Variants in SP100 observed in about 807,000 individuals in gnomAD.
SP100 encodes the protein SP100 nuclear body protein, also known as nuclear autoantigen Sp-100.
In SP100, 84 loss-of-function variants were observed where a neutral mutation model predicts 130.0. The ratio of observed to expected loss-of-function variants is 0.65; its 90% CI spans 0.54 to 0.77. The LOEUF is 0.77. Ranked by LOEUF, SP100 falls within the 30% of genes least tolerant of loss-of-function variation. The pLI is 0.00. For synonymous variants in SP100, 331 were observed against 351.7 expected (o/e 0.94, Z 0.66); for missense variants, 978 against 1,052.2 (o/e 0.93, Z 0.97).
At chr2:230,537,653 A>T (rs759364227) in intron 24 of SP100, 2 of 152,224 alleles carry the variant, frequency 1.3e-5, no homozygotes, top group Non-Finnish European at 2.9e-5. Flanking sequence ...CCACTTTGTA[A>T]TGTGGGTTTT....
intron 2 of SP100, among the ~76,000 whole-genome samples, chr2:230,433,550 G>A (rs2063158390): frequency 6.6e-6 from 1 of 152,000 alleles, no homozygotes; most frequent in South Asian, 2.1e-4. Context: ...GATTTTGATA[G>A]GAATCATACT....
intron 24 of SP100, among the ~76,000 whole-genome samples, chr2:230,530,002 G>C (rs1431228769): frequency 6.6e-6 from 1 of 152,090 alleles, no homozygotes; most frequent in African/African-American, 2.4e-5. Flanking sequence ...TGGCCATACT[G>C]CCCAAGGTAA....
chr2:230,521,427 C>G (rs1055035440), intron 24 of SP100, among the ~76,000 whole-genome samples: 3 of 152,178 alleles, frequency 2.0e-5, no homozygotes, highest in African/African-American at 7.2e-5. Context: ...GCCTGCCTAA[C>G]TGACTATCTG....
At chr2:230,432,167 C>T (rs2063118531) in intron 2 of SP100, among the ~76,000 whole-genome samples, 1 of 152,156 alleles carries the variant, frequency 6.6e-6, no homozygotes, top group African/African-American at 2.4e-5. Context: ...TGGGTTATTT[C>T]ATCGAACGTA....
chr2:230,497,480 AGG>A (rs2066734042), intron 18 of SP100, among the ~76,000 whole-genome samples: 3 of 59,744 alleles, frequency 5.0e-5, no homozygotes, highest in African/African-American at 2.1e-4. Context: ...AGGGGAGGGG[AGG>A]GGAGGGGAGG....
chr2:230,439,012 C>G (rs2063386150), intron 2 of SP100, among the ~76,000 whole-genome samples: 2 of 152,132 alleles, frequency 1.3e-5, no homozygotes, highest in Non-Finnish European at 2.9e-5. Flanking sequence ...ACGCCAACAT[C>G]TATCATGTTT....
At chr2:230,511,760 A>G (rs146058705) in intron 24 of SP100, among the ~76,000 whole-genome samples, 1 of 152,332 alleles carries the variant, frequency 6.6e-6, no homozygotes, top group African/African-American at 2.4e-5. Context: ...AACCATCACC[A>G]CTTGGCAACT....
At chr2:230,520,749 C>T (rs1559533297) in intron 24 of SP100, 1 of 152,164 alleles carries the variant, frequency 6.6e-6, no homozygotes, top group Admixed American at 6.5e-5. Flanking sequence ...AACACACCAA[C>T]AAAGTTGAGA....
intron 14 of SP100, chr2:230,469,465 T>C (rs1209131566): frequency 2.1e-6 from 1 of 468,464 alleles, no homozygotes; most frequent in Non-Finnish European, 4.3e-6. Flanking sequence ...ATGTGCAAAC[T>C]AATAATGAAA....
At chr2:230,534,721 C>T (rs1454338956) in intron 24 of SP100, among the ~76,000 whole-genome samples, 1 of 152,086 alleles carries the variant, frequency 6.6e-6, no homozygotes, top group Non-Finnish European at 1.5e-5. Context: ...ATATGTGTTC[C>T]AGGATTGTAT....
At chr2:230,455,160 A>G (rs2064207529) in intron 8 of SP100, among the ~76,000 whole-genome samples, 1 of 151,986 alleles carries the variant, frequency 6.6e-6, no homozygotes, top group Non-Finnish European at 1.5e-5. Context: ...CTGCAGCCTC[A>G]ACCTCCTGGG....
At chr2:230,444,028 T>G in intron 3 of SP100, 150 bp from the exon 4 acceptor site, 1 of 576,776 alleles carries the variant, frequency 1.7e-6, no homozygotes. Context: ...CTTTCATTAC[T>G]GGCTATACAA....
intron 23 of SP100, chr2:230,508,571 G>T (rs1458410408): frequency 2.0e-5 from 3 of 152,004 alleles, no homozygotes; most frequent in Non-Finnish European, 4.4e-5. Flanking sequence ...GCCCGCCTCA[G>T]CCTCCCAAAA....
At chr2:230,419,475 T>C (rs972463654) in intron 2 of SP100, among the ~76,000 whole-genome samples, 1 of 152,160 alleles carries the variant, frequency 6.6e-6, no homozygotes, top group Non-Finnish European at 1.5e-5. Flanking sequence ...TTTTAGTCAA[T>C]AATGGCCCCA....
rs34684038 is a variant in SP100, at chr2:230,535,906, CAAAAAAAAAAAAAAA to C, written c.2095-3346_2095-3332del. Among the ~76,000 whole-genome samples, 82 of 47,608 alleles carry C rather than the reference CAAAAAAAAAAAAAAA, an allele frequency of 1.7e-3. 1 individual carries two copies. The highest frequency in any genetic ancestry group is 7.6e-3 in the African/African-American group (68 of 8,978). 31.2% of individuals were successfully genotyped at this position (47,608 alleles called of 152,430 possible). A position where few individuals can be genotyped will look rare whatever the true frequency, so the allele number is the denominator to read the frequency against. On this transcript the variant is annotated intron_variant, in intron 24 of 28. Transcript: ENST00000340126. ...TGGGTGACAGAGCAAGACTCCATCTCAAAAAAAAAAAAAAAAAAAAAAAAAAAAAGAATATGTTTT... is the reference window on the plus strand; with the variant it reads ...TGGGTGACAGAGCAAGACTCCATCTCAAAAAAAAAAAAAAGAATATGTTTT...
At chr2:230,467,975 G>A (rs2065045605) in intron 13 of SP100, among the ~76,000 whole-genome samples, 2 of 152,184 alleles carry the variant, frequency 1.3e-5, no homozygotes, top group African/African-American at 4.8e-5. Context: ...CTTACCATCA[G>A]ATTCAATTCA....
intron 2 of SP100, among the ~76,000 whole-genome samples, chr2:230,436,927 A>ATAT (rs879558808): frequency 7.5e-5 from 6 of 79,952 alleles, no homozygotes; most frequent in South Asian, 3.2e-4. Flanking sequence ...TATACACACA[A>ATAT]GTGTATACAC....
At chr2:230,528,367 C>A (rs1277943022) in intron 24 of SP100, among the ~76,000 whole-genome samples, 1 of 152,188 alleles carries the variant, frequency 6.6e-6, no homozygotes, top group Non-Finnish European at 1.5e-5. Context: ...TAAATATGTT[C>A]TTTGAAACCA....
At chr2:230,417,701 T>G (rs1217951904) in intron 2 of SP100, 36 bp downstream of exon 2, 1 of 1,594,330 alleles carries the variant, frequency 6.3e-7, no homozygotes, top group Non-Finnish European at 8.5e-7. Flanking sequence ...TTTTAATTTG[T>G]ATTTTCCTTA....
Sources: gnomAD v4.1 joint callset for allele counts (sites outside exome capture counted in the v4.1 genomes callset) on GRCh38, gnomAD v4.1.1 for gene constraint, MANE v1.5 for transcripts, NCBI Gene and HGNC (gene_info 2026-07-23, HGNC 2026-07-21) for gene names.